The following KSR2 variants were observed in gnomAD, a reference collection of about 807,000 sequenced individuals.
KSR2 encodes the protein kinase suppressor of ras 2.
Under a neutral mutation model 107.8 loss-of-function variants are expected in KSR2, and 25 were observed. The ratio of observed to expected loss-of-function variants is 0.23; its 90% CI spans 0.17 to 0.32. KSR2 has a LOEUF of 0.32. Among genes scored for constraint, KSR2 ranks in the 10% least tolerant of loss-of-function variants. The pLI is 1.00. For synonymous variants in KSR2, 480 were observed against 507.0 expected, an observed-to-expected ratio of 0.95 and a Z score of 0.71; for missense variants, 887 against 1,268.9, an observed-to-expected ratio of 0.70 and a Z score of 4.57.
intron 9 of KSR2, among the ~76,000 whole-genome samples, chr12:117,543,845 T>G (rs886440920): frequency 3.0e-4 from 45 of 152,224 alleles, no homozygotes; most frequent in African/African-American, 1.1e-3. Context: ...AGAATCCTTC[T>G]TTGCCTCTTC....
intron 4 of KSR2, among the ~76,000 whole-genome samples, chr12:117,753,505 C>A (rs1888678818): frequency 6.6e-6 from 1 of 152,132 alleles, no homozygotes; most frequent in Admixed American, 6.5e-5. Flanking sequence ...AGATCATGTC[C>A]TTTGCAGGAA....
At chr12:117,720,089 A>C (rs556079054) in intron 4 of KSR2, among the ~76,000 whole-genome samples, 20 of 152,188 alleles carry the variant, frequency 1.3e-4, no homozygotes, top group Non-Finnish European at 2.2e-4. Context: ...CTCATTTCTT[A>C]TTCTTCTTCA....
intron 6 of KSR2, among the ~76,000 whole-genome samples, chr12:117,579,963 T>C (rs1349346734): frequency 6.6e-6 from 1 of 152,148 alleles, no homozygotes; most frequent in Non-Finnish European, 1.5e-5. Flanking sequence ...CCAAGAGATA[T>C]GAGGCAGCAG....
chr12:117,570,896 AG>A (rs1380229127), intron 7 of KSR2, among the ~76,000 whole-genome samples: 2 of 152,156 alleles, frequency 1.3e-5, no homozygotes, highest in East Asian at 3.9e-4. Context: ...TCATAAGTTG[AG>A]TTTTGTAGAA....
intron 9 of KSR2, among the ~76,000 whole-genome samples, chr12:117,548,059 T>C (rs1565894858): frequency 1.3e-5 from 2 of 152,054 alleles, no homozygotes; most frequent in South Asian, 4.1e-4. Context: ...ATTGCGCCAC[T>C]GCATTCCAGC....
chr12:117,652,575 G>C (rs746402504), intron 5 of KSR2, among the ~76,000 whole-genome samples: 1 of 152,134 alleles, frequency 6.6e-6, no homozygotes, highest in Non-Finnish European at 1.5e-5. Flanking sequence ...GGGCAGGCTG[G>C]GTCCCTTGAG....
intron 3 of KSR2, among the ~76,000 whole-genome samples, chr12:117,841,672 C>A (rs1428721278): frequency 6.6e-6 from 1 of 152,154 alleles, no homozygotes; most frequent in Non-Finnish European, 1.5e-5. Context: ...AAGGAGAAAG[C>A]CATTCATTCC....
At chr12:117,895,051 C>A (rs1406012186) in intron 1 of KSR2, among the ~76,000 whole-genome samples, 3 of 151,546 alleles carry the variant, frequency 2.0e-5, no homozygotes, top group African/African-American at 7.3e-5. Context: ...GCAATACAGT[C>A]AGACTCTGTC....
At chr12:117,565,906 C>T (rs1362190467) in intron 7 of KSR2, among the ~76,000 whole-genome samples, 1 of 152,196 alleles carries the variant, frequency 6.6e-6, no homozygotes, top group Non-Finnish European at 1.5e-5. Context: ...AAGTTTAAGA[C>T]TTGAAGTTTA....
At chr12:117,830,055 G>A (rs1891902377) in intron 3 of KSR2, among the ~76,000 whole-genome samples, 3 of 152,104 alleles carry the variant, frequency 2.0e-5, no homozygotes, top group African/African-American at 7.2e-5. Flanking sequence ...ATCATTTGAG[G>A]TCAGGAGTTC....
intron 5 of KSR2, among the ~76,000 whole-genome samples, chr12:117,638,327 A>G (rs1310903032): frequency 1.3e-5 from 2 of 152,186 alleles, no homozygotes; most frequent in Non-Finnish European, 2.9e-5. Flanking sequence ...ACAATGAACA[A>G]CACGACTGAA....
At chr12:117,518,801 G>C (rs745409405) in intron 14 of KSR2, among the ~76,000 whole-genome samples, 2 of 152,108 alleles carry the variant, frequency 1.3e-5, no homozygotes, top group South Asian at 4.1e-4. Context: ...ACCTCTACCT[G>C]AACTGCTCTT....
At chr12:117,687,458 C>T (rs951309764) in intron 4 of KSR2, among the ~76,000 whole-genome samples, 1 of 152,148 alleles carries the variant, frequency 6.6e-6, no homozygotes, top group African/African-American at 2.4e-5. Flanking sequence ...TTGCATCCAG[C>T]ATGAACTTGT....
chr12:117,585,601 C>T (rs1879935711), intron 5 of KSR2, among the ~76,000 whole-genome samples: 1 of 152,062 alleles, frequency 6.6e-6, no homozygotes, highest in Non-Finnish European at 1.5e-5. Flanking sequence ...ATTAAACTTG[C>T]CAATGCAAGC....
chr12:117,535,430 G>A (rs1222392865), intron 10 of KSR2, among the ~76,000 whole-genome samples: 1 of 152,172 alleles, frequency 6.6e-6, no homozygotes, highest in Non-Finnish European at 1.5e-5. Flanking sequence ...GGCACAGAGT[G>A]ATGAGCATAA....
In KSR2 at chr12:117,629,759, T is replaced by C. The variant is rs1184612156; in HGVS notation, c.1171+37715A>G. 3.9e-5 allele frequency among the ~76,000 whole-genome samples: 6 copies of C among 152,182 alleles called. No homozygotes were observed. The East Asian group carries it at 1.2e-3, about 29-fold the overall frequency. On this transcript the variant is annotated intron_variant, in intron 5 of 19. Coordinates refer to ENST00000339824, the MANE Select transcript of KSR2 (RefSeq NM_173598.6). ...GGAATTGTCTTAAAATGTCCTTTAA[T>C]TGATAGTGAAGAATATAAGAACCAA...
chr12:117,853,003 A>G (rs1440311430), intron 3 of KSR2, among the ~76,000 whole-genome samples: 2 of 152,060 alleles, frequency 1.3e-5, no homozygotes, highest in Non-Finnish European at 2.9e-5. Flanking sequence ...GGGTTTCACT[A>G]TGTTGGTCAG....
chr12:117,539,727 T>C lies in KSR2; in HGVS notation c.1679A>G (p.Asn560Ser). 1 of 1,598,214 alleles carries C rather than the reference T, an allele frequency of 6.3e-7. No individual in the cohort carries two copies. ...PQCTRQQKNF[N>S]LPASHYYKYK... ...CCCAAGCATGGAGGTACCTGGCAGG[T>C]TGAAGTTCTTCTGCTGCCGTGTGCA... Residue 560 changes from asparagine to serine, a missense_variant, in exon 10 of 20, where the codon AAC becomes AGC. Physicochemically the swap from Asn to Ser is conservative, Grantham distance 46. This residue lies in a region of KSR2 where 50 missense variants were observed against 43.4 expected (regional missense o/e 1.15). Coordinates refer to ENST00000339824, the MANE Select transcript of KSR2 (RefSeq NM_173598.6).
At chr12:117,885,287 C>T (rs761519994) in intron 1 of KSR2, among the ~76,000 whole-genome samples, 4 of 152,182 alleles carry the variant, frequency 2.6e-5, no homozygotes, top group South Asian at 4.1e-4. Context: ...GAAGGCATGA[C>T]GCCAAGCACT....
Sources: gnomAD v4.1 joint callset for allele counts (sites outside exome capture counted in the v4.1 genomes callset) on GRCh38, gnomAD v4.1.1 for gene constraint, gnomAD v4.1.1 regional missense constraint, MANE v1.5 for transcripts, NCBI Gene and HGNC (gene_info 2026-07-23, HGNC 2026-07-21) for gene names.